Variants in ACACB observed in about 807,000 individuals in gnomAD.
The protein encoded by ACACB is acetyl-CoA carboxylase beta.
In ACACB, 209 loss-of-function variants were observed where a neutral mutation model predicts 278.8. The observed-to-expected ratio is 0.75, with a 90% CI of 0.67 to 0.84. The LOEUF (loss-of-function observed/expected upper bound fraction) is 0.84. ACACB is among the 40% of genes least tolerant of loss of function. The probability of loss-of-function intolerance (pLI) is 0.00; values close to 1 mark genes in which losing one functional copy is unlikely to be tolerated. For missense variants in ACACB, 2,850 were observed against 3,269.0 expected (o/e 0.87, Z 3.13); for synonymous variants, 1,174 against 1,285.6 (o/e 0.91, Z 1.86).
intron 2 of ACACB, among the ~76,000 whole-genome samples, chr12:109,140,662 A>C (rs964496481): frequency 6.6e-6 from 1 of 152,154 alleles, no homozygotes; most frequent in Non-Finnish European, 1.5e-5. Flanking sequence ...GTCTCAAAAA[A>C]GGAAAAAAGG....
At position 109,239,955 on chromosome 12, in the gene ACACB, C is replaced by T. The variant is rs755204288; in HGVS notation, c.4788C>T (p.Phe1596=). The change falls in exon 35 of 53, where the codon TTC becomes TTT. Residue 1596 remains phenylalanine (F), a synonymous_variant. Transcript: ENST00000338432. ...RTDCNHIFLN[F]VPTVIMDPFK... ...ACTGCAACCACATCTTCCTCAACTT[C>T]GTGCCCACTGTCATCATGGACCCCT... The T allele has an allele frequency of 2.0e-5, 32 of 1,614,016 alleles. No individual in the cohort carries two copies. In the African/African-American group the frequency reaches 3.3e-4, roughly 17 times the overall value.
intron 26 of ACACB, 81 bp from the exon 27 acceptor site, chr12:109,223,734 T>G: frequency 7.3e-7 from 1 of 1,370,920 alleles, no homozygotes; most frequent in Admixed American, 1.7e-5. Context: ...TGCACTCCAG[T>G]TTATCTCAAA....
At position 109,261,453 on chromosome 12, in the gene ACACB, T is replaced by C. The variant is rs138278665; in HGVS notation, c.6674+796T>C. ...CTCAGGATACTGAGCAGCACTTGAA[T>C]GGAGTCATTGCTAACTTTTCATGCT... On this transcript the variant is annotated intron_variant, in intron 48 of 52. Coordinates refer to ENST00000338432, the MANE Select transcript of ACACB (RefSeq NM_001093.4). Among the ~76,000 whole-genome samples the C allele has an allele frequency of 1.8e-3, 274 of 152,280 alleles. 4 individuals are homozygous for C. The highest frequency in any genetic ancestry group is 5.8e-3 in the African/African-American group (242 of 41,556).
At chr12:109,193,019 C>T (rs2044950543) in intron 15 of ACACB, among the ~76,000 whole-genome samples, 1 of 152,122 alleles carries the variant, frequency 6.6e-6, no homozygotes, top group Non-Finnish European at 1.5e-5. Context: ...ATCACAGTCC[C>T]TGCTCTGGTT....
rs189626271 is a variant in ACACB at position 109,167,514 on chromosome 12, A to G, written c.787-382A>G. On this transcript the variant is annotated intron_variant, in intron 3 of 52. Coordinates refer to ENST00000338432, the MANE Select transcript of ACACB (RefSeq NM_001093.4). ...CTCGGGAGGCTGAGGTGGGAGGATC[A>G]CTTGAAGCTGGAAGGTCGAAGCTGC... Among the ~76,000 whole-genome samples the G allele has an allele frequency of 5.0e-3, 747 of 150,408 alleles. 3 individuals carry two copies. Among genetic ancestry groups the G allele is most frequent in the African/African-American group, 0.017 (688 of 40,922 alleles).
upstream of ACACB, among the ~76,000 whole-genome samples, chr12:109,116,278 C>T (rs1282886280): frequency 6.6e-6 from 1 of 152,236 alleles, no homozygotes; most frequent in Non-Finnish European, 1.5e-5. Flanking sequence ...AAATGACCAA[C>T]ACCTGTAGGC....
At position 109,206,766 on chromosome 12, in the gene ACACB, G is replaced by A. The variant is rs1278040143; in HGVS notation, c.2970G>A (p.Glu990=). The A allele has an allele frequency of 2.5e-6, 4 of 1,614,142 alleles. No homozygotes were observed. The highest frequency in any genetic ancestry group is 3.4e-6 in the Non-Finnish European group (4 of 1,180,028). The change falls in exon 20 of 53, where the codon GAG becomes GAA. Residue 990 remains glutamate (E), a synonymous_variant. Transcript: ENST00000338432. Reference sequence around the variant, plus strand: ...AGCAGACACTGCCCATCCTCGGAGAGAAACTGCACCAGGTCTTCCACAGCG... The same window carrying A: ...AGCAGACACTGCCCATCCTCGGAGAAAAACTGCACCAGGTCTTCCACAGCG... ...PAQQTLPILG[E]KLHQVFHSVL... is the part of the protein sequence containing the mutation.
At chr12:109,265,313 A>C in intron 51 of ACACB, 33 bp downstream of exon 51, 1 of 1,611,510 alleles carries the variant, frequency 6.2e-7, no homozygotes, top group Non-Finnish European at 8.5e-7. Flanking sequence ...GCCGGTGAGC[A>C]CAGGGGGTGC....
At position 109,246,374 on chromosome 12, in the gene ACACB, G is replaced by A. The variant is rs760833780; in HGVS notation, c.5497G>A (p.Ala1833Thr). Residue 1833 changes from alanine to threonine, a missense_variant, in exon 39 of 53, where the codon GCC (alanine) becomes ACC (threonine). Transcript: ENST00000338432. ...AATTTACGTGGCAGCCAACAGTGGC[G>A]CCCGTATTGGCATGGCAGAGGAGAT... ...PKIYVAANSG[A>T]RIGMAEEIKH... 8.7e-6 allele frequency: 14 copies of A among 1,613,324 alleles called. No homozygotes were observed. Among genetic ancestry groups the A allele is most frequent in the African/African-American group, 6.7e-5 (5 of 74,648 alleles).
intron 9 of ACACB, 106 bp downstream of exon 9, chr12:109,176,369 G>T (rs1430367283): frequency 4.9e-6 from 5 of 1,019,618 alleles, no homozygotes; most frequent in Non-Finnish European, 7.6e-6. Flanking sequence ...GAAGACATTT[G>T]TAGGAGCTGG....
In ACACB at chr12:109,175,912, T is replaced by C. The variant is rs2044268024; in HGVS notation, c.1217-19T>C. On this transcript the variant is annotated intron_variant, in intron 7 of 52. Coordinates refer to ENST00000338432, the MANE Select transcript of ACACB (RefSeq NM_001093.4). ...TCTCCTGGATTTGGGAGGAATCAGG[T>C]TTCTTTGTGACTCTCCAGGCCTGAC... 1.9e-6 allele frequency: 3 copies of C among 1,610,988 alleles called. No individual in the cohort carries two copies. The highest frequency in any genetic ancestry group is 2.5e-6 in the Non-Finnish European group (3 of 1,177,182).
intron 13 of ACACB, among the ~76,000 whole-genome samples, chr12:109,190,801 A>C (rs2044848871): frequency 1.3e-5 from 2 of 150,640 alleles, no homozygotes; most frequent in African/African-American, 4.9e-5. Context: ...CTGATTTTAA[A>C]ATTTTTGTAG....
chr12:109,116,755 G>A (rs2042411415), intron 1 of ACACB, 51 bp downstream of exon 1: 1 of 152,166 alleles, frequency 6.6e-6, no homozygotes, highest in Non-Finnish European at 1.5e-5. Flanking sequence ...CCAACGTCCA[G>A]GTAAATTCGA....
chr12:109,193,000 G>A (rs1280442062), intron 15 of ACACB, among the ~76,000 whole-genome samples: 2 of 152,116 alleles, frequency 1.3e-5, no homozygotes, highest in Admixed American at 1.3e-4. Context: ...GCTTTTGAAC[G>A]GTAGTAGAAT....
At position 109,247,706 on chromosome 12, in the gene ACACB, A is replaced by G. The variant is rs760070352; in HGVS notation, c.5669+3A>G. The G allele has an allele frequency of 3.1e-6, 5 of 1,609,302 alleles. No individual in the cohort carries two copies. The South Asian group carries it at 4.4e-5, about 14-fold the overall frequency. ...ATCGAGGAAGGAGGAGAGTCCAGGTAAATAACTTATCAGGTAGCTCCTTAA... is the reference window on the plus strand; with the variant it reads ...ATCGAGGAAGGAGGAGAGTCCAGGTGAATAACTTATCAGGTAGCTCCTTAA... On this transcript the variant is annotated splice_donor_region_variant and intron_variant, in intron 40 of 52. Coordinates refer to ENST00000338432, the MANE Select transcript of ACACB (RefSeq NM_001093.4).
chr12:109,265,754 G>A lies in ACACB; in HGVS notation c.7250+229G>A, dbSNP rs112325554. On this transcript the variant is annotated intron_variant, in intron 52 of 52. Coordinates refer to ENST00000338432, the MANE Select transcript of ACACB (RefSeq NM_001093.4). ...AGAGCCTAGAGGTACTCTGAAGGCC[G>A]TGTGAGATGCTTCCAACTCATGAAC... Among the ~76,000 whole-genome samples, 354 of 152,326 alleles carry A rather than the reference G, an allele frequency of 2.3e-3. 2 individuals carry two copies. Among genetic ancestry groups the A allele is most frequent in the African/African-American group, 7.8e-3 (326 of 41,586 alleles).
At chr12:109,209,767 A>ATGTG (rs145214400) in intron 21 of ACACB, among the ~76,000 whole-genome samples, 3 of 145,282 alleles carry the variant, frequency 2.1e-5, no homozygotes, top group East Asian at 2.0e-4. Flanking sequence ...AGCTCCATGT[A>ATGTG]TGTGTGTGTG....
intron 40 of ACACB, 40 bp downstream of exon 40, chr12:109,247,743 G>T (rs1174056375): frequency 6.7e-7 from 1 of 1,491,594 alleles, no homozygotes; most frequent in Non-Finnish European, 9.3e-7. Flanking sequence ...TTTGCTCATG[G>T]TTAATTTCAG....
upstream of ACACB, among the ~76,000 whole-genome samples, chr12:109,115,817 C>T (rs1262857613): frequency 6.6e-6 from 1 of 152,252 alleles, no homozygotes. Flanking sequence ...CCGTGCTCAG[C>T]GCTCTCGCCA....
Sources: allele counts gnomAD v4.1 joint callset (sites outside exome capture counted in the v4.1 genomes callset), GRCh38; gene constraint gnomAD v4.1.1; transcripts MANE v1.5; gene names NCBI Gene and HGNC (gene_info 2026-07-23, HGNC 2026-07-21).